The following FTSJ1 variants were observed in gnomAD, a reference collection of about 807,000 sequenced individuals.
The protein encoded by FTSJ1 is FtsJ RNA 2'-O-methyltransferase 1, also known as tRNA (cytidine(32)/guanosine(34)-2'-O)-methyltransferase.
A neutral mutation model predicts 28.5 loss-of-function variants in FTSJ1; 3 were observed. The observed-to-expected ratio is 0.11, with a 90% CI of 0.05 to 0.27. The LOEUF is 0.27. Among genes scored for constraint, FTSJ1 ranks in the 10% least tolerant of loss-of-function variants. The pLI is 1.00. For synonymous variants in FTSJ1, 104 were observed against 113.9 expected (o/e 0.91, Z 0.55); for missense variants, 162 against 279.0 (o/e 0.58, Z 2.99).
In FTSJ1 at chrX:48,481,624, C is replaced by G. The variant is rs73483894; in HGVS notation, c.572-8C>G. 1 of 1,185,909 alleles carries G rather than the reference C, an allele frequency of 8.4e-7. No individual in the cohort carries two copies. The highest frequency in any genetic ancestry group is 1.1e-6 in the Non-Finnish European group (1 of 871,777). On this transcript the variant is annotated splice_polypyrimidine_tract_variant and splice_region_variant and intron_variant, in intron 8 of 12. Coordinates refer to ENST00000348411, the MANE Select transcript of FTSJ1 (RefSeq NM_012280.4). Reference sequence around the variant, plus strand: ...GCAGTCATGCCTCACTCCACCTTCCCCTGGCAGAGGCCTTCGCTGTCTGTC... The same window carrying G: ...GCAGTCATGCCTCACTCCACCTTCCGCTGGCAGAGGCCTTCGCTGTCTGTC...
intron 5 of FTSJ1, 117 bp downstream of exon 5, chrX:48,479,233 G>C (rs1330940501): frequency 3.9e-6 from 2 of 517,245 alleles, no homozygotes; most frequent in Non-Finnish European, 7.0e-6. Flanking sequence ...TCTCCCTTCC[G>C]CACTCAGCTT....
chrX:48,479,176 A>G, intron 5 of FTSJ1, 60 bp downstream of exon 5: 1 of 731,224 alleles, frequency 1.4e-6, no homozygotes, highest in South Asian at 2.1e-5. Context: ...CCTTCTCTGT[A>G]TCTCCCACCT....
rs782452461 is a variant in FTSJ1, at chrX:48,481,505, G to A, written c.548G>A (p.Arg183Lys). The A allele has an allele frequency of 2.5e-6, 3 of 1,210,682 alleles. No individual in the cohort carries two copies. The South Asian group carries it at 5.3e-5, about 21-fold the overall frequency. ...TCCAGCGTGCTGTGTGCCAAGCCCA[G>A]GAGCAGCCGGAACTCTAGCATCGGT... Reference protein sequence around the residue: ...FFSSVLCAKPRSSRNSSIEAF... With the variant: ...FFSSVLCAKPKSSRNSSIEAF... Residue 183 changes from arginine to lysine, a missense_variant, in exon 8 of 13, where the codon AGG becomes AAG. Transcript: ENST00000348411.
rs1556968424 is a variant in FTSJ1 at position 48,481,291 on chromosome X, T to C, written c.417T>C (p.Ala139=). 1 of 1,209,325 alleles carries C rather than the reference T, an allele frequency of 8.3e-7. No individual in the cohort carries two copies. Among genetic ancestry groups the C allele is most frequent in the Non-Finnish European group, 1.1e-6 (1 of 894,000 alleles). The change falls in exon 7 of 13, where the codon GCT becomes GCC. Residue 139 remains alanine, a splice_region_variant and synonymous_variant. Transcript: ENST00000348411. ...EYMQAQLLLA[A]LNIATHVLKP... Reference sequence around the variant, plus strand: ...TCAGCCGTCTGTCCTGCCCACAGGCTCTGAACATTGCTACACATGTCCTGA... The same window carrying C: ...TCAGCCGTCTGTCCTGCCCACAGGCCCTGAACATTGCTACACATGTCCTGA...
intron 2 of FTSJ1, 128 bp downstream of exon 2, chrX:48,478,296 C>T: frequency 1.2e-6 from 1 of 848,783 alleles, no homozygotes; most frequent in Non-Finnish European, 1.7e-6. Flanking sequence ...GGGAGACAGG[C>T]AGGAAGATAG....
rs374511461 is a variant in FTSJ1, at chrX:48,481,755, A to C, written c.655+40A>C. The C allele has an allele frequency of 3.1e-4, 260 of 826,125 alleles. 1 individual carries two copies. The highest frequency in any genetic ancestry group is 4.6e-4 in the Non-Finnish European group (252 of 547,067). The allele number at this position is 826,125 out of a possible 1,213,427, so 68.1% of individuals were successfully genotyped here. Reference sequence around the variant, plus strand: ...ATGGGCCACCCTGGGGGACTCTGCCACACCTTATGCAATCTAGGTCCCATG... The same window carrying C: ...ATGGGCCACCCTGGGGGACTCTGCCCCACCTTATGCAATCTAGGTCCCATG... On this transcript the variant is annotated intron_variant, in intron 9 of 12. Coordinates refer to ENST00000348411, the MANE Select transcript of FTSJ1 (RefSeq NM_012280.4).
intron 6 of FTSJ1, 34 bp downstream of exon 6, chrX:48,481,237 G>T: frequency 8.3e-7 from 1 of 1,204,147 alleles, no homozygotes; most frequent in Non-Finnish European, 1.1e-6. Context: ...ACCCACTTTG[G>T]CCCCCTCCTG....
intron 5 of FTSJ1, among the ~76,000 whole-genome samples, chrX:48,480,732 T>G (rs2061563381): frequency 9.0e-6 from 1 of 110,668 alleles, no homozygotes; most frequent in Non-Finnish European, 1.9e-5. Flanking sequence ...GATGTGGGTG[T>G]GAGGAGAGGA....
rs1173853776 is a variant in FTSJ1 at position 48,476,229 on chromosome X, T to C, written c.-255T>C. 1.0e-5 allele frequency: 3 copies of C among 297,413 alleles called. No individual in the cohort carries two copies. Among genetic ancestry groups the C allele is most frequent in the Admixed American group, 1.2e-4 (2 of 16,538 alleles). 24.5% of individuals were successfully genotyped at this position (297,413 alleles called of 1,213,427 possible). Reference sequence around the variant, plus strand: ...CATCAGGTCCCGGCCCGCCGGAACCTGGGCGATCCACGATGCCGAGTTTGC... The same window carrying C: ...CATCAGGTCCCGGCCCGCCGGAACCCGGGCGATCCACGATGCCGAGTTTGC... On this transcript the variant is annotated 5_prime_UTR_variant, in exon 1 of 13. Coordinates refer to ENST00000348411, the MANE Select transcript of FTSJ1 (RefSeq NM_012280.4).
downstream of FTSJ1, chrX:48,486,355 C>T (rs1261812251): frequency 1.8e-5 from 2 of 111,797 alleles, no homozygotes; most frequent in African/African-American, 3.3e-5. Flanking sequence ...ATGTAATTGG[C>T]TTCCATTGTA....
intron 12 of FTSJ1, among the ~76,000 whole-genome samples, chrX:48,484,392 G>A (rs1376312094): frequency 2.9e-5 from 3 of 103,279 alleles, no homozygotes; most frequent in African/African-American, 1.1e-4. Context: ...TTTTTGTTTT[G>A]TTTTGAGAAC....
At chrX:48,483,673 A>G (rs2061583490) in intron 12 of FTSJ1, among the ~76,000 whole-genome samples, 1 of 110,828 alleles carries the variant, frequency 9.0e-6, no homozygotes, top group Non-Finnish European at 1.9e-5. Context: ...TTTAGGGGAG[A>G]TGGAGTTTTG....
chrX:48,479,362 C>T (rs995590864), intron 5 of FTSJ1, among the ~76,000 whole-genome samples: 1 of 112,498 alleles, frequency 8.9e-6, no homozygotes, highest in East Asian at 2.8e-4. Context: ...TTTCCCTGCT[C>T]TCATCTCTCT....
At position 48,478,526 on chromosome X, in the gene FTSJ1, T is replaced by TG; in HGVS notation, c.191+13dup. On this transcript the variant is annotated intron_variant, in intron 3 of 12. Transcript: ENST00000348411. The stretch of plus-strand genomic sequence containing the variant: ...GCTGAGCCAGAAGATCGGGTAAGTG[T>TG]GGGGGTCCCAGATGGGAGACCCAGG... 8.3e-7 allele frequency: 1 copy of TG among 1,207,608 alleles called. No individual in the cohort carries two copies. The highest frequency in any genetic ancestry group is 1.1e-6 in the Non-Finnish European group (1 of 892,438).
In FTSJ1 at chrX:48,482,759, G is replaced by T; in HGVS notation, c.922G>T (p.Ala308Ser). The change falls in exon 11 of 13, where the codon GCC becomes TCC. Residue 308 changes from alanine (A) to serine (S), a missense_variant. Coordinates refer to ENST00000348411, the MANE Select transcript of FTSJ1 (RefSeq NM_012280.4). ...SRVDTFPQPL[A>S]APQCHTLLAP... Reference sequence around the variant, plus strand: ...AGTGGACACGTTTCCCCAGCCCCTGGCCGCCCCTCAGTGCCACACCCTGCT... The same window carrying T: ...AGTGGACACGTTTCCCCAGCCCCTGTCCGCCCCTCAGTGCCACACCCTGCT... The T allele has an allele frequency of 8.3e-7, 1 of 1,209,027 alleles. No individual in the cohort carries two copies.
chrX:48,480,957 G>A (rs782045045), intron 5 of FTSJ1, among the ~76,000 whole-genome samples, 194 bp from the exon 6 acceptor site: 1 of 111,157 alleles, frequency 9.0e-6, no homozygotes, highest in African/African-American at 3.3e-5. Context: ...TTGTGTGTGA[G>A]GTTGTTTTAG....
At chrX:48,481,008 C>T (rs781979320) in intron 5 of FTSJ1, 143 bp from the exon 6 acceptor site, 6 of 542,847 alleles carry the variant, frequency 1.1e-5, no homozygotes, top group Non-Finnish European at 1.6e-5. Flanking sequence ...TCAGAATATG[C>T]ATCCAGTTGG....
In FTSJ1 at chrX:48,481,653, G is replaced by A. The variant is rs1556968635; in HGVS notation, c.593G>A (p.Gly198Asp). 4 of 1,197,596 alleles carry A rather than the reference G, an allele frequency of 3.3e-6. No individual in the cohort carries two copies. Among genetic ancestry groups the A allele is most frequent in the Non-Finnish European group, 4.5e-6 (4 of 882,257 alleles). The change falls in exon 9 of 13, where the codon GGC becomes GAC. Residue 198 changes from glycine (G) to aspartate (D), a missense_variant. Gly to Asp is a moderately conservative substitution (Grantham distance 94). Transcript: ENST00000348411. ...SSIEAFAVCQ[G>D]YDPPEGFIPD... ...GCAGAGGCCTTCGCTGTCTGTCAGGGCTATGACCCTCCCGAGGGCTTCATC... is the reference window on the plus strand; with the variant it reads ...GCAGAGGCCTTCGCTGTCTGTCAGGACTATGACCCTCCCGAGGGCTTCATC...
At position 48,482,580 on chromosome X, in the gene FTSJ1, C is replaced by A; in HGVS notation, c.760-17C>A. The A allele has an allele frequency of 8.4e-7, 1 of 1,193,727 alleles. No homozygotes were observed. The highest frequency in any genetic ancestry group is 2.2e-5 in the Admixed American group (1 of 44,491). On this transcript the variant is annotated splice_polypyrimidine_tract_variant and intron_variant, in intron 10 of 12. Transcript: ENST00000348411. ...TTACCAGGTCCTCACCATCTCCCTA[C>A]CCCTCTGTCCCTGCAGCTAGAGGGC...
Sources: gnomAD v4.1 joint callset for allele counts (sites outside exome capture counted in the v4.1 genomes callset) on GRCh38, gnomAD v4.1.1 for gene constraint, MANE v1.5 for transcripts, NCBI Gene and HGNC (gene_info 2026-07-23, HGNC 2026-07-21) for gene names.